The following ASB3 variants were observed in gnomAD, a reference collection of about 807,000 sequenced individuals.
The protein encoded by ASB3 is ankyrin repeat and SOCS box containing 3, also known as ankyrin repeat and SOCS box protein 3.
Under a neutral mutation model 54.5 loss-of-function variants are expected in ASB3, and 41 were observed. That is an observed-to-expected ratio of 0.75 (90% CI 0.59 to 0.98). The LOEUF (loss-of-function observed/expected upper bound fraction) is 0.98, where lower values mean the gene tolerates loss of function less well. ASB3 is among the 50% of genes least tolerant of loss of function. The pLI, the probability that ASB3 is intolerant of heterozygous loss-of-function variation, is 0.00. For missense variants in ASB3, 733 were observed against 620.0 expected (o/e 1.18, Z -1.94); for synonymous variants, 266 against 221.2 (o/e 1.20, Z -1.80).
chr2:53,764,943 A>C, intron 2 of ASB3, among the ~76,000 whole-genome samples: 1 of 152,208 alleles, frequency 6.6e-6, no homozygotes, highest in East Asian at 1.9e-4. Flanking sequence ...ATCTTGTTTC[A>C]TGCTAAGTAG....
intron 3 of ASB3, among the ~76,000 whole-genome samples, chr2:53,733,542 A>C (rs1671442039): frequency 6.6e-6 from 1 of 151,958 alleles, no homozygotes; most frequent in Non-Finnish European, 1.5e-5. Flanking sequence ...CCTGGGTTCA[A>C]GCGGTTCTCC....
At chr2:53,703,718 T>C (rs1482318410) in intron 7 of ASB3, among the ~76,000 whole-genome samples, 2 of 152,166 alleles carry the variant, frequency 1.3e-5, no homozygotes, top group African/African-American at 4.8e-5. Context: ...AGGTCAATAG[T>C]GCAAGAAAGT....
intron 7 of ASB3, among the ~76,000 whole-genome samples, chr2:53,709,234 C>T (rs1166596705): frequency 6.6e-6 from 1 of 152,218 alleles, no homozygotes; most frequent in Non-Finnish European, 1.5e-5. Context: ...CCTAGCCACT[C>T]CTGCTATGGC....
chr2:53,765,032 G>A lies in ASB3; in HGVS notation c.196+345C>T, dbSNP rs114796944. On this transcript the variant is annotated intron_variant, in intron 2 of 9. Coordinates refer to ENST00000263634, the MANE Select transcript of ASB3 (RefSeq NM_016115.5). ...CAATCAAAACACATCCTCAATTTCA[G>A]TACAATTGCTCTTTCTGTTTGGTAA... Among the ~76,000 whole-genome samples the A allele has an allele frequency of 3.2e-3, 487 of 152,298 alleles. 3 individuals carry two copies. The highest frequency in any genetic ancestry group is 0.011 in the African/African-American group (438 of 41,572).
At chr2:53,717,063 A>G (rs1670437690) in intron 5 of ASB3, among the ~76,000 whole-genome samples, 1 of 152,184 alleles carries the variant, frequency 6.6e-6, no homozygotes, top group South Asian at 2.1e-4. Flanking sequence ...TCAAAAATAA[A>G]AAGGTCTTGC....
chr2:53,746,067 A>G (rs1003757256), intron 3 of ASB3, among the ~76,000 whole-genome samples: 1 of 152,180 alleles, frequency 6.6e-6, no homozygotes. Flanking sequence ...TGGGAAACTA[A>G]GGGAGGAGGA....
At chr2:53,690,513 G>A (rs1668856396) in intron 9 of ASB3, among the ~76,000 whole-genome samples, 1 of 152,078 alleles carries the variant, frequency 6.6e-6, no homozygotes, top group Non-Finnish European at 1.5e-5. Context: ...CCAAGACATT[G>A]TCTAGGAAGC....
chr2:53,686,533 A>C (rs1171146608), intron 9 of ASB3, among the ~76,000 whole-genome samples: 1 of 152,158 alleles, frequency 6.6e-6, no homozygotes, highest in African/African-American at 2.4e-5. Flanking sequence ...ATTTAACACT[A>C]GCTTTTTCAT....
chr2:53,731,386 G>A (rs189717361), intron 3 of ASB3, among the ~76,000 whole-genome samples: 68 of 151,778 alleles, frequency 4.5e-4, no homozygotes, highest in African/African-American at 1.3e-3. Context: ...CAGCCTGGGC[G>A]ACAGAGCAAG....
intron 8 of ASB3, among the ~76,000 whole-genome samples, chr2:53,695,235 A>G (rs913996458): frequency 1.3e-5 from 2 of 152,178 alleles, no homozygotes; most frequent in East Asian, 1.9e-4. Flanking sequence ...AATATCTTTG[A>G]AATGATGGAC....
chr2:53,691,891 C>T (rs1445917150), intron 9 of ASB3, among the ~76,000 whole-genome samples: 4 of 152,168 alleles, frequency 2.6e-5, no homozygotes, highest in African/African-American at 9.7e-5. Context: ...AGGAAGAATA[C>T]AAGCTTTCCC....
Position 53,750,883 on chromosome 2 carries a change from G to A in ASB3, c.255C>T (p.Leu85=), listed in dbSNP as rs138055351. 2.5e-4 allele frequency: 406 copies of A among 1,601,398 alleles called. 3 individuals carry two copies. In the African/African-American group the frequency reaches 4.9e-3, roughly 19 times the overall value. The change falls in exon 3 of 10, where the codon CTC becomes CTT. Residue 85 remains leucine (L), a synonymous_variant. Coordinates refer to ENST00000263634, the MANE Select transcript of ASB3 (RefSeq NM_016115.5). ...KTFEGFCALH[L]AASQGHWKIV... ...TTTTCCAATGTCCTTGACTTGCAGC[G>A]AGATGCAAAGCACAGAAACCTTCAA...
chr2:53,773,197 G>T (rs935536781), intron 1 of ASB3, among the ~76,000 whole-genome samples: 5 of 151,956 alleles, frequency 3.3e-5, no homozygotes, highest in African/African-American at 9.7e-5. Flanking sequence ...TAAACAAATG[G>T]CACTTTGTTT....
At chr2:53,743,693 A>T (rs1213314056) in intron 3 of ASB3, among the ~76,000 whole-genome samples, 1 of 152,248 alleles carries the variant, frequency 6.6e-6, no homozygotes, top group Non-Finnish European at 1.5e-5. Flanking sequence ...ACATTTAATT[A>T]TATGAAGGTA....
intron 7 of ASB3, among the ~76,000 whole-genome samples, chr2:53,701,274 G>T (rs1669478740): frequency 6.6e-6 from 1 of 151,834 alleles, no homozygotes; most frequent in Admixed American, 6.6e-5. Flanking sequence ...ATTTATAATG[G>T]TATTAAAAAA....
At position 53,750,902 on chromosome 2, in the gene ASB3, C is replaced by T; in HGVS notation, c.236G>A (p.Gly79Asp). ...ENYIKMKTFEGFCALHLAASQ... is the reference protein window; with the variant it reads ...ENYIKMKTFEDFCALHLAASQ... ...TGCAGCGAGATGCAAAGCACAGAAA[C>T]CTTCAAAGGTCTTCATCTTAATGTA... The change falls in exon 3 of 10, where the codon GGT becomes GAT. Residue 79 changes from glycine to aspartate, a missense_variant. Coordinates refer to ENST00000263634, the MANE Select transcript of ASB3 (RefSeq NM_016115.5). 6.3e-7 allele frequency: 1 copy of T among 1,595,224 alleles called. No homozygotes were observed. Among genetic ancestry groups the T allele is most frequent in the Non-Finnish European group, 8.5e-7 (1 of 1,171,372 alleles).
intron 1 of ASB3, among the ~76,000 whole-genome samples, chr2:53,784,480 GATTGTCTCACA>G (rs1203691409): frequency 3.3e-5 from 5 of 152,180 alleles, no homozygotes; most frequent in African/African-American, 1.2e-4. Flanking sequence ...AGCATAAATT[GATTGTCTCACA>G]ATTCTAGAAA....
chr2:53,775,928 T>C (rs935022765), intron 1 of ASB3, among the ~76,000 whole-genome samples: 1 of 152,244 alleles, frequency 6.6e-6, no homozygotes, highest in Non-Finnish European at 1.5e-5. Context: ...ATTGGGTGTA[T>C]GCTGCTACTC....
intron 6 of ASB3, among the ~76,000 whole-genome samples, chr2:53,715,901 T>C (rs1205777335): frequency 2.6e-5 from 4 of 152,204 alleles, no homozygotes; most frequent in Non-Finnish European, 5.9e-5. Flanking sequence ...AAAGTGCTAT[T>C]ATAGAATTAT....
Sources: gnomAD v4.1 joint callset for allele counts (sites outside exome capture counted in the v4.1 genomes callset) on GRCh38, gnomAD v4.1.1 for gene constraint, MANE v1.5 for transcripts, NCBI Gene and HGNC (gene_info 2026-07-23, HGNC 2026-07-21) for gene names.